The following PXDNL variants were observed in gnomAD, a reference collection of about 807,000 sequenced individuals.
PXDNL encodes the protein peroxidasin like, also known as probable oxidoreductase PXDNL.
Under a neutral mutation model 150.8 loss-of-function variants are expected in PXDNL, and 145 were observed. That is an observed-to-expected ratio of 0.96 (90% confidence interval 0.84 to 1.10). PXDNL has a LOEUF of 1.10. Among genes scored for constraint, PXDNL ranks in the 50% least tolerant of loss-of-function variants. The pLI, the probability that PXDNL is intolerant of heterozygous loss-of-function variation, is 0.00. For missense variants in PXDNL, 2,087 were observed against 1,873.9 expected (o/e 1.11, Z -2.10); for synonymous variants, 757 against 725.7 (o/e 1.04, Z -0.69).
At chr8:51,470,931 G>T (rs775885746) in intron 8 of PXDNL, among the ~76,000 whole-genome samples, 3 of 151,708 alleles carry the variant, frequency 2.0e-5, no homozygotes, top group African/African-American at 7.3e-5. Context: ...ACGGGCAAAG[G>T]CTTCATGACG....
At chr8:51,394,556 C>T (rs1808019394) in intron 17 of PXDNL, among the ~76,000 whole-genome samples, 1 of 152,104 alleles carries the variant, frequency 6.6e-6, no homozygotes, top group Admixed American at 6.5e-5. Flanking sequence ...GCTAGTATAC[C>T]CTTGGACTTT....
At position 51,512,615 on chromosome 8, in the gene PXDNL, G is replaced by T. The variant is rs1309263235; in HGVS notation, c.381-12845C>A. Among the ~76,000 whole-genome samples the T allele has an allele frequency of 2.0e-5, 3 of 152,184 alleles. No individual in the cohort carries two copies. The East Asian group carries it at 5.8e-4, about 29-fold the overall frequency. ...AGCACTGAGATAAAATGCAGAAACAGCCACATGTAGTTTTTGAAGCTAACT... is the reference window on the plus strand; with the variant it reads ...AGCACTGAGATAAAATGCAGAAACATCCACATGTAGTTTTTGAAGCTAACT... On this transcript the variant is annotated intron_variant, in intron 4 of 22. Transcript: ENST00000356297.
At chr8:51,515,489 G>A (rs16916447) in intron 4 of PXDNL, among the ~76,000 whole-genome samples, 6,083 of 152,256 alleles carry the variant, frequency 0.04, 190 homozygotes, top group Non-Finnish European at 0.055. Flanking sequence ...GTACCCAAGC[G>A]CACTGCGGAT....
intron 19 of PXDNL, 55 bp from the exon 20 acceptor site, chr8:51,346,002 T>C: frequency 9.5e-7 from 1 of 1,050,456 alleles, no homozygotes; most frequent in Non-Finnish European, 1.5e-6. Context: ...TGTCATGATC[T>C]CATCTAGATC....
intron 14 of PXDNL, 133 bp from the exon 15 acceptor site, chr8:51,413,391 A>G (rs1808707972): frequency 3.3e-6 from 2 of 607,140 alleles, no homozygotes; most frequent in Non-Finnish European, 5.8e-6. Context: ...AAAATGTTAT[A>G]CAATATCTAC....
intron 1 of PXDNL, among the ~76,000 whole-genome samples, chr8:51,666,045 T>C (rs187986382): frequency 2.0e-3 from 303 of 152,368 alleles, no homozygotes; most frequent in Non-Finnish European, 3.6e-3. Flanking sequence ...AAAAAATATT[T>C]AGCAATTTTG....
At chr8:51,789,423 G>A (rs917526964) in intron 1 of PXDNL, among the ~76,000 whole-genome samples, 2 of 152,050 alleles carry the variant, frequency 1.3e-5, no homozygotes, top group South Asian at 4.1e-4. Flanking sequence ...AAGTCTTCAG[G>A]GATGAACAAT....
intron 12 of PXDNL, among the ~76,000 whole-genome samples, chr8:51,434,091 A>G (rs1027018821): frequency 1.3e-5 from 2 of 152,184 alleles, no homozygotes; most frequent in African/African-American, 4.8e-5. Flanking sequence ...ATACAATACT[A>G]TATTCTCAGT....
intron 3 of PXDNL, among the ~76,000 whole-genome samples, chr8:51,584,301 C>T (rs1245722721): frequency 6.6e-6 from 1 of 152,164 alleles, no homozygotes; most frequent in Non-Finnish European, 1.5e-5. Flanking sequence ...GACCAGTCCA[C>T]CCCACTCTGT....
intron 1 of PXDNL, among the ~76,000 whole-genome samples, chr8:51,756,660 G>T (rs2037105184): frequency 6.6e-6 from 1 of 151,614 alleles, no homozygotes; most frequent in Non-Finnish European, 1.5e-5. Flanking sequence ...TGTTACTTTA[G>T]ATGTATCACA....
intron 12 of PXDNL, chr8:51,435,878 T>G: frequency 2.1e-6 from 1 of 469,772 alleles, no homozygotes; most frequent in Non-Finnish European, 4.3e-6. Flanking sequence ...CTAAAGCAGA[T>G]ACTAAAATGG....
intron 21 of PXDNL, among the ~76,000 whole-genome samples, chr8:51,325,434 A>G (rs1338181440): frequency 1.3e-5 from 2 of 152,144 alleles, no homozygotes; most frequent in African/African-American, 4.8e-5. Flanking sequence ...TTGACACACA[A>G]AGGGGTTCTC....
intron 21 of PXDNL, among the ~76,000 whole-genome samples, chr8:51,321,329 C>T (rs1805307794): frequency 6.6e-6 from 1 of 152,182 alleles, no homozygotes; most frequent in Admixed American, 6.5e-5. Flanking sequence ...TGAAAGCAAG[C>T]AGACCAGGGT....
In PXDNL at chr8:51,411,236, G is replaced by T; in HGVS notation, c.2062+14C>A. ...TGGGCAGTAGGCTGAGAATAAAATGGCTTTGTGGCTGACCTTTGCCTTCCA... is the reference window on the plus strand; with the variant it reads ...TGGGCAGTAGGCTGAGAATAAAATGTCTTTGTGGCTGACCTTTGCCTTCCA... On this transcript the variant is annotated intron_variant, in intron 16 of 22. Transcript: ENST00000356297. The T allele has an allele frequency of 1.4e-6, 2 of 1,431,102 alleles. No homozygotes were observed. Among genetic ancestry groups the T allele is most frequent in the South Asian group, 1.7e-5 (1 of 59,124 alleles). The allele number at this position is 1,431,102 out of a possible 1,614,324, so 88.7% of individuals were successfully genotyped here. A position where few individuals can be genotyped will look rare whatever the true frequency, so the allele number is the denominator to read the frequency against.
At position 51,339,484 on chromosome 8, in the gene PXDNL, A is replaced by G. The variant is rs1268303062; in HGVS notation, c.4146+140T>C. The G allele has an allele frequency of 4.8e-6, 4 of 841,976 alleles. No homozygotes were observed. The Admixed American group carries it at 1.3e-4, about 27-fold the overall frequency. The allele number at this position is 841,976 out of a possible 1,614,324, so 52.2% of individuals were successfully genotyped here. A position where few individuals can be genotyped will look rare whatever the true frequency, so the allele number is the denominator to read the frequency against. ...TAAAAAAGCAAAAGTAAAAACAAAAAAAAAGCAATACAACTCCCTGTATAG... is the reference window on the plus strand; with the variant it reads ...TAAAAAAGCAAAAGTAAAAACAAAAGAAAAGCAATACAACTCCCTGTATAG... On this transcript the variant is annotated intron_variant, in intron 21 of 22. Coordinates refer to ENST00000356297, the MANE Select transcript of PXDNL (RefSeq NM_144651.5).
At chr8:51,743,631 C>T (rs2036930843) in intron 1 of PXDNL, among the ~76,000 whole-genome samples, 1 of 152,130 alleles carries the variant, frequency 6.6e-6, no homozygotes, top group Admixed American at 6.5e-5. Flanking sequence ...ATCCACCTGC[C>T]TCAGCCTCCC....
chr8:51,530,084 T>C (rs1811862569), intron 4 of PXDNL, among the ~76,000 whole-genome samples: 1 of 152,180 alleles, frequency 6.6e-6, no homozygotes, highest in African/African-American at 2.4e-5. Context: ...ATAAAGCAGA[T>C]AGACTATCAG....
chr8:51,705,153 G>T (rs1816350525), intron 1 of PXDNL, among the ~76,000 whole-genome samples: 1 of 152,166 alleles, frequency 6.6e-6, no homozygotes, highest in Admixed American at 6.5e-5. Flanking sequence ...TGATTCTCAG[G>T]CATGGGGGGT....
chr8:51,798,654 G>A (rs2037587469), intron 1 of PXDNL, among the ~76,000 whole-genome samples: 1 of 152,164 alleles, frequency 6.6e-6, no homozygotes, highest in African/African-American at 2.4e-5. Context: ...GCAAATCAGA[G>A]TGGTGATTAT....
Sources: gnomAD v4.1 joint callset for allele counts (sites outside exome capture counted in the v4.1 genomes callset) on GRCh38, gnomAD v4.1.1 for gene constraint, MANE v1.5 for transcripts, NCBI Gene and HGNC (gene_info 2026-07-23, HGNC 2026-07-21) for gene names.